The following PARD6G variants were observed in gnomAD, a reference collection of about 807,000 sequenced individuals.
PARD6G encodes the protein par-6 family cell polarity regulator gamma, also known as partitioning defective 6 homolog gamma.
A neutral mutation model predicts 10.7 loss-of-function variants in PARD6G; 7 were observed. The ratio of observed to expected loss-of-function variants is 0.66; its 90% CI spans 0.37 to 1.23. The LOEUF is 1.23. Ranked by LOEUF, PARD6G falls within the 50% of genes most tolerant of loss-of-function variation. The pLI is 0.02. For missense variants in PARD6G, 548 were observed against 571.8 expected, an observed-to-expected ratio of 0.96 and a Z score of 0.42; for synonymous variants, 287 against 269.4, an observed-to-expected ratio of 1.07 and a Z score of -0.64.
chr18:80,166,727 C>A (rs545276257), intron 2 of PARD6G, among the ~76,000 whole-genome samples: 1 of 151,688 alleles, frequency 6.6e-6, no homozygotes, highest in Non-Finnish European at 1.5e-5. Context: ...CTCCCCATGT[C>A]CACCTTCCCG....
In PARD6G at chr18:80,247,216, G is replaced by C; in HGVS notation, c.72+61C>G. 7.2e-7 allele frequency: 1 copy of C among 1,381,496 alleles called. No homozygotes were observed. Among genetic ancestry groups the C allele is most frequent in the Non-Finnish European group, 9.9e-7 (1 of 1,009,906 alleles). The allele number at this position is 1,381,496 out of a possible 1,614,324, so 85.6% of individuals were successfully genotyped here. A position where few individuals can be genotyped will look rare whatever the true frequency, so the allele number is the denominator to read the frequency against. ...CGCCGCCCCAGTCCCCCTCCGCGGGGCGCCCCATTCATTAGCCAGGAGACT... is the reference window on the plus strand; with the variant it reads ...CGCCGCCCCAGTCCCCCTCCGCGGGCCGCCCCATTCATTAGCCAGGAGACT... On this transcript the variant is annotated intron_variant, in intron 1 of 2. Coordinates refer to ENST00000353265, the MANE Select transcript of PARD6G (RefSeq NM_032510.4). The surrounding 1 kb of genome is among the most constrained non-coding windows in gnomAD (Gnocchi z 4.2).
chr18:80,181,120 G>T lies in PARD6G; in HGVS notation c.296-20514C>A, dbSNP rs926135833. On this transcript the variant is annotated intron_variant, in intron 2 of 2. Transcript: ENST00000353265. The surrounding 1 kb of genome is among the most constrained non-coding windows in gnomAD (Gnocchi z 7.9). The stretch of plus-strand genomic sequence containing the variant: ...CTGCGACCGGAGAAGCAGCCTGCGG[G>T]GGTGGGCCAGGAAGGGGCGCCACCC... Among the ~76,000 whole-genome samples the T allele has an allele frequency of 1.1e-4, 16 of 152,178 alleles. No homozygotes were observed. The highest frequency in any genetic ancestry group is 3.4e-4 in the African/African-American group (14 of 41,432).
intron 2 of PARD6G, among the ~76,000 whole-genome samples, chr18:80,185,663 C>A (rs2052870286): frequency 3.3e-5 from 5 of 151,510 alleles, no homozygotes; most frequent in Admixed American, 3.3e-4. Flanking sequence ...CTCATATATG[C>A]TTGCACACCC....
At chr18:80,215,516 A>G (rs1303158092) in intron 1 of PARD6G, among the ~76,000 whole-genome samples, 1 of 152,198 alleles carries the variant, frequency 6.6e-6, no homozygotes, top group African/African-American at 2.4e-5. Flanking sequence ...ATAGAGTTAT[A>G]TCGGAGCAAA....
intron 1 of PARD6G, among the ~76,000 whole-genome samples, chr18:80,227,339 G>A (rs1218798037): frequency 1.3e-5 from 2 of 152,186 alleles, no homozygotes; most frequent in Admixed American, 6.5e-5. Context: ...GACAAGGTTT[G>A]AGCACAAAGT....
intron 1 of PARD6G, among the ~76,000 whole-genome samples, chr18:80,237,651 C>A (rs939423865): frequency 2.6e-5 from 4 of 152,010 alleles, no homozygotes. Context: ...AACAAATTTA[C>A]AAGAAAAAAA....
intron 1 of PARD6G, among the ~76,000 whole-genome samples, chr18:80,236,695 T>C (rs1023632058): frequency 6.6e-6 from 1 of 152,120 alleles, no homozygotes; most frequent in African/African-American, 2.4e-5. Context: ...ACAAGCATTC[T>C]TATACACCAA....
chr18:80,163,555 C>G (rs1284624034), intron 2 of PARD6G, among the ~76,000 whole-genome samples: 1 of 152,198 alleles, frequency 6.6e-6, no homozygotes, highest in East Asian at 1.9e-4. Context: ...ATGGTGCATT[C>G]CCTTCCACCA....
chr18:80,208,272 T>C (rs540256536), intron 1 of PARD6G, among the ~76,000 whole-genome samples: 31 of 152,334 alleles, frequency 2.0e-4, no homozygotes, highest in Middle Eastern at 3.4e-3. Context: ...GGTACCAACT[T>C]AAAAATATAT....
intron 2 of PARD6G, among the ~76,000 whole-genome samples, chr18:80,198,399 T>A (rs1254832769): frequency 6.6e-6 from 1 of 152,278 alleles, no homozygotes; most frequent in African/African-American, 2.4e-5. Context: ...AGATTACTTT[T>A]CTTATTCATG....
chr18:80,165,888 C>T (rs1173061025), intron 2 of PARD6G, among the ~76,000 whole-genome samples: 1 of 152,100 alleles, frequency 6.6e-6, no homozygotes, highest in Non-Finnish European at 1.5e-5. Flanking sequence ...TCAAAACCAG[C>T]CTGACCAACA....
rs1432455006 is a variant in PARD6G at position 80,192,580 on chromosome 18, C to G, written c.295+10130G>C. ...GGTGCCACGGCGGGAGCCTGAAGCT[C>G]CACAATTGCCAAGGCAGCCCCAGGG... On this transcript the variant is annotated intron_variant, in intron 2 of 2. Transcript: ENST00000353265. The surrounding 1 kb of genome is among the most constrained non-coding windows in gnomAD (Gnocchi z 4.9). 1.3e-5 allele frequency among the ~76,000 whole-genome samples: 2 copies of G among 151,944 alleles called. No homozygotes were observed. The highest frequency in any genetic ancestry group is 4.8e-5 in the African/African-American group (2 of 41,326).
In PARD6G at chr18:80,246,732, GA is replaced by G. The variant is rs1967554454; in HGVS notation, c.72+544del. ...GTGCGTGCTCTGGGTCTGCGCGGGGGAGCGCGCCTGGTGCCTAGATGTTTGG... is the reference window on the plus strand; with the variant it reads ...GTGCGTGCTCTGGGTCTGCGCGGGGGGCGCGCCTGGTGCCTAGATGTTTGG... On this transcript the variant is annotated intron_variant, in intron 1 of 2. Coordinates refer to ENST00000353265, the MANE Select transcript of PARD6G (RefSeq NM_032510.4). The surrounding 1 kb of genome is among the most constrained non-coding windows in gnomAD (Gnocchi z 6.7). Among the ~76,000 whole-genome samples the G allele has an allele frequency of 6.6e-6, 1 of 152,064 alleles. No individual in the cohort carries two copies.
At chr18:80,187,647 A>T (rs2052887288) in intron 2 of PARD6G, 1 of 152,184 alleles carries the variant, frequency 6.6e-6, no homozygotes, top group African/African-American at 2.4e-5. Flanking sequence ...TACCCACAGC[A>T]CCTACTATGG....
intron 1 of PARD6G, among the ~76,000 whole-genome samples, chr18:80,226,581 G>A (rs918364644): frequency 3.9e-5 from 6 of 152,120 alleles, no homozygotes; most frequent in African/African-American, 1.4e-4. Context: ...TCTACTTCAT[G>A]CTTTTTTCAC....
intron 1 of PARD6G, among the ~76,000 whole-genome samples, chr18:80,238,326 T>C (rs1967448629): frequency 6.6e-6 from 1 of 151,888 alleles, no homozygotes; most frequent in African/African-American, 2.4e-5. Flanking sequence ...GAACATCACA[T>C]ACTGGGGCCT....
At chr18:80,214,771 A>G (rs774278095) in intron 1 of PARD6G, among the ~76,000 whole-genome samples, 1 of 152,182 alleles carries the variant, frequency 6.6e-6, no homozygotes, top group Admixed American at 6.5e-5. Context: ...AAAGAGGAAA[A>G]AAAGGCAGAA....
At chr18:80,171,061 A>C (rs551708087) in intron 2 of PARD6G, 1 of 152,306 alleles carries the variant, frequency 6.6e-6, no homozygotes, top group African/African-American at 2.4e-5. Flanking sequence ...TCTCTATTAA[A>C]AATACCACCC....
intron 1 of PARD6G, among the ~76,000 whole-genome samples, chr18:80,238,162 T>C (rs1163456516): frequency 1.3e-5 from 2 of 152,132 alleles, no homozygotes; most frequent in African/African-American, 4.8e-5. Context: ...TATGCAGCCA[T>C]AAAAAATGAT....
Sources: allele counts gnomAD v4.1 joint callset (sites outside exome capture counted in the v4.1 genomes callset), GRCh38; gene constraint gnomAD v4.1.1; non-coding constraint Gnocchi (gnomAD v3.1); transcripts MANE v1.5; gene names NCBI Gene and HGNC (gene_info 2026-07-23, HGNC 2026-07-21).